NEO1: variants seen among roughly 807,000 people sequenced by gnomAD.
NEO1 encodes neogenin 1.
A neutral mutation model predicts 159.7 loss-of-function variants in NEO1; 63 were observed. That is an observed-to-expected ratio of 0.39 (90% CI 0.32 to 0.49). NEO1 has a LOEUF of 0.49. Among genes scored for constraint, NEO1 ranks in the 20% least tolerant of loss-of-function variants. The probability of loss-of-function intolerance (pLI) is 0.85; values close to 1 mark genes in which losing one functional copy is unlikely to be tolerated. For missense variants in NEO1, 1,615 were observed against 1,831.0 expected, an observed-to-expected ratio of 0.88 and a Z score of 2.15; for synonymous variants, 633 against 662.0, an observed-to-expected ratio of 0.96 and a Z score of 0.67.
At chr15:73,264,898 C>A (rs2040812900) in intron 15 of NEO1, among the ~76,000 whole-genome samples, 1 of 152,170 alleles carries the variant, frequency 6.6e-6, no homozygotes, top group Non-Finnish European at 1.5e-5. Flanking sequence ...GACGTTCTCA[C>A]AATTATTAGA....
intron 1 of NEO1, among the ~76,000 whole-genome samples, chr15:73,064,613 C>T (rs1234575365): frequency 6.6e-6 from 1 of 152,062 alleles, no homozygotes; most frequent in African/African-American, 2.4e-5. Context: ...TACAGGTGCA[C>T]ACCACCATGC....
intron 7 of NEO1, among the ~76,000 whole-genome samples, chr15:73,196,579 A>G (rs571508035): frequency 5.9e-5 from 9 of 152,318 alleles, no homozygotes; most frequent in African/African-American, 2.2e-4. Flanking sequence ...TTATGTTCAC[A>G]TTGCATTTTG....
chr15:73,227,403 G>A lies in NEO1; in HGVS notation c.1292-8944G>A, dbSNP rs148001497. On this transcript the variant is annotated intron_variant, in intron 7 of 28. Transcript: ENST00000261908. ...CCCAGCTACCCGGGAGGCTGACGCA[G>A]GAGAATTGCTTGAACCCAGGAGGCA... 1.8e-3 allele frequency among the ~76,000 whole-genome samples: 279 copies of A among 152,286 alleles called. 1 individual carries two copies. Among genetic ancestry groups the A allele is most frequent in the African/African-American group, 6.5e-3 (272 of 41,560 alleles).
chr15:73,262,306 C>G (rs2040655384), intron 15 of NEO1, among the ~76,000 whole-genome samples: 1 of 151,932 alleles, frequency 6.6e-6, no homozygotes, highest in South Asian at 2.1e-4. Flanking sequence ...AGAAACATAC[C>G]AATAAAATGA....
chr15:73,289,143 T>G lies in NEO1; in HGVS notation c.3650-3T>G. 6.2e-7 allele frequency: 1 copy of G among 1,613,818 alleles called. No homozygotes were observed. The highest frequency in any genetic ancestry group is 8.5e-7 in the Non-Finnish European group (1 of 1,179,780). On this transcript the variant is annotated splice_region_variant and splice_polypyrimidine_tract_variant and intron_variant, in intron 24 of 28. Coordinates refer to ENST00000261908, the MANE Select transcript of NEO1 (RefSeq NM_002499.4). ...GTAACTAACCTCCACGTTTAACATC[T>G]AGGGCATGAGTCAGAGGACAGCATG...
At chr15:73,290,874 C>G (rs2042139767) in intron 25 of NEO1, among the ~76,000 whole-genome samples, 1 of 152,132 alleles carries the variant, frequency 6.6e-6, no homozygotes, top group Admixed American at 6.5e-5. Context: ...TTCCTCAAAT[C>G]CCCAACCTCT....
intron 25 of NEO1, among the ~76,000 whole-genome samples, chr15:73,292,363 G>A (rs919389295): frequency 2.0e-5 from 3 of 152,098 alleles, no homozygotes; most frequent in African/African-American, 7.2e-5. Context: ...GCCTTTGTTT[G>A]GAGAAAAAAA....
At chr15:73,073,710 G>A (rs1379343226) in intron 1 of NEO1, among the ~76,000 whole-genome samples, 2 of 152,134 alleles carry the variant, frequency 1.3e-5, no homozygotes, top group African/African-American at 2.4e-5. Flanking sequence ...GCCTTTTGCT[G>A]TACGTGATAA....
intron 7 of NEO1, among the ~76,000 whole-genome samples, chr15:73,224,161 A>C (rs569198736): frequency 9.9e-4 from 151 of 152,350 alleles, no homozygotes; most frequent in African/African-American, 3.4e-3. Flanking sequence ...GTTTCTGCTG[A>C]GAAATCTTCT....
chr15:73,292,143 C>T (rs1165503492), intron 25 of NEO1, among the ~76,000 whole-genome samples: 1 of 152,156 alleles, frequency 6.6e-6, no homozygotes, highest in Non-Finnish European at 1.5e-5. Context: ...CAGCAGTGCT[C>T]AAGGGTCCCA....
intron 23 of NEO1, among the ~76,000 whole-genome samples, chr15:73,284,786 C>T (rs1356424084): frequency 6.6e-6 from 1 of 151,928 alleles, no homozygotes; most frequent in Non-Finnish European, 1.5e-5. Context: ...TGGGGTTTCA[C>T]CATGTTGGCC....
chr15:73,091,898 G>A (rs755367577), intron 1 of NEO1, among the ~76,000 whole-genome samples: 5 of 151,852 alleles, frequency 3.3e-5, no homozygotes, highest in Non-Finnish European at 5.9e-5. Flanking sequence ...AAGTGCTGGG[G>A]TTAAGGCATA....
intron 4 of NEO1, among the ~76,000 whole-genome samples, chr15:73,133,355 G>A (rs1191344273): frequency 1.3e-5 from 2 of 152,098 alleles, no homozygotes; most frequent in East Asian, 3.9e-4. Context: ...CTATGAAGAT[G>A]CAAAGGCATA....
chr15:73,195,692 T>C (rs1347408428), intron 7 of NEO1, among the ~76,000 whole-genome samples: 1 of 152,174 alleles, frequency 6.6e-6, no homozygotes, highest in Non-Finnish European at 1.5e-5. Flanking sequence ...TATCTGAACA[T>C]TGTAGACCCC....
intron 1 of NEO1, among the ~76,000 whole-genome samples, chr15:73,088,125 A>G (rs1174298626): frequency 6.6e-6 from 1 of 152,084 alleles, no homozygotes; most frequent in South Asian, 2.1e-4. Context: ...ATATGTAAAG[A>G]CATATAAAAT....
chr15:73,065,687 C>G (rs1404472747), intron 1 of NEO1, among the ~76,000 whole-genome samples: 1 of 152,122 alleles, frequency 6.6e-6, no homozygotes, highest in East Asian at 1.9e-4. Flanking sequence ...TTATGGTTTT[C>G]TTTGTATTTA....
At position 73,164,217 on chromosome 15, in the gene NEO1, T is replaced by G. The variant is rs577906374; in HGVS notation, c.1016-12186T>G. On this transcript the variant is annotated intron_variant, in intron 5 of 28. Coordinates refer to ENST00000261908, the MANE Select transcript of NEO1 (RefSeq NM_002499.4). ...TGATTATTATTATTATTGGTTTTTTTTTTTTTTTTTGAGACGAAGTCTTGT... is the reference window on the plus strand; with the variant it reads ...TGATTATTATTATTATTGGTTTTTTGTTTTTTTTTTGAGACGAAGTCTTGT... Among the ~76,000 whole-genome samples, 37 of 149,628 alleles carry G rather than the reference T, an allele frequency of 2.5e-4. 2 individuals are homozygous for G. The South Asian group carries it at 7.4e-3, about 30-fold the overall frequency.
At chr15:73,164,800 T>G (rs575661911) in intron 5 of NEO1, among the ~76,000 whole-genome samples, 1 of 152,244 alleles carries the variant, frequency 6.6e-6, no homozygotes, top group Non-Finnish European at 1.5e-5. Context: ...GGAGAATAAT[T>G]ACATTGGGAT....
At chr15:73,197,088 G>A (rs1484075445) in intron 7 of NEO1, among the ~76,000 whole-genome samples, 3 of 152,230 alleles carry the variant, frequency 2.0e-5, no homozygotes, top group Middle Eastern at 6.8e-3. Flanking sequence ...GCCAGGCAAC[G>A]GTGGCTCACA....
Sources: gnomAD v4.1 joint callset for allele counts (sites outside exome capture counted in the v4.1 genomes callset) on GRCh38, gnomAD v4.1.1 for gene constraint, MANE v1.5 for transcripts, NCBI Gene and HGNC (gene_info 2026-07-23, HGNC 2026-07-21) for gene names.